The following CEP295 variants were observed in gnomAD, a reference collection of about 807,000 sequenced individuals.
The protein encoded by CEP295 is centrosomal protein 295, also known as centrosomal protein of 295 kDa.
A neutral mutation model predicts 291.6 loss-of-function variants in CEP295; 190 were observed. The observed-to-expected ratio is 0.65, with a 90% confidence interval of 0.58 to 0.73. The LOEUF (loss-of-function observed/expected upper bound fraction) is 0.73. CEP295 is among the 30% of genes least tolerant of loss of function. The probability of loss-of-function intolerance (pLI) is 0.00; values close to 1 mark genes in which losing one functional copy is unlikely to be tolerated. For synonymous variants in CEP295, 993 were observed against 1,038.8 expected (o/e 0.96, Z 0.85); for missense variants, 2,863 against 2,949.4 (o/e 0.97, Z 0.68).
At position 93,729,884 on chromosome 11, in the gene CEP295, C is replaced by G. The variant is rs536047501; in HGVS notation, c.7582C>G (p.Arg2528Gly). The G allele has an allele frequency of 6.5e-7, 1 of 1,547,840 alleles. No homozygotes were observed. Among genetic ancestry groups the G allele is most frequent in the Non-Finnish European group, 8.7e-7 (1 of 1,146,000 alleles). Reference sequence around the variant, plus strand: ...TCTTTCCTCAGGTTCATCTGTGAGTCGTCTAAAGGGCGTGAATAAAGTCAG... The same window carrying G: ...TCTTTCCTCAGGTTCATCTGTGAGTGGTCTAAAGGGCGTGAATAAAGTCAG... ...EKPSISSSVS[R>G]LKGVNKVRAS... The change falls in exon 28 of 30, where the codon CGT (arginine) becomes GGT (glycine). Residue 2528 changes from arginine to glycine, a missense_variant. By Grantham distance (125) the Arg-to-Gly change is moderately radical (BLOSUM62 -2). Coordinates refer to ENST00000325212, the MANE Select transcript of CEP295 (RefSeq NM_033395.2).
chr11:93,727,611 T>C lies in CEP295; in HGVS notation c.7135T>C (p.Ser2379Pro). 1.3e-6 allele frequency: 2 copies of C among 1,549,560 alleles called. No homozygotes were observed. Among genetic ancestry groups the C allele is most frequent in the East Asian group, 4.9e-5 (2 of 40,896 alleles). Reference protein sequence around the residue: ...SELFASSGSFSLQSSIPVWET... With the variant: ...SELFASSGSFPLQSSIPVWET... ...GCTTTTTGCAAGTTCTGGATCATTT[T>C]CATTACAGAGCTCTATACCAGTCTG... The change falls in exon 24 of 30, where the codon TCA becomes CCA. Residue 2379 changes from serine to proline, a missense_variant. Ser to Pro is a moderately conservative substitution (Grantham distance 74). This residue lies in a region of CEP295 where 2,295 missense variants were observed against 2,335.7 expected (regional missense o/e 0.98). Transcript: ENST00000325212.
Position 93,697,135 on chromosome 11 carries a change from G to A in CEP295, c.2223G>A (p.Arg741=). 1.3e-6 allele frequency: 2 copies of A among 1,551,850 alleles called. No individual in the cohort carries two copies. The highest frequency in any genetic ancestry group is 1.7e-6 in the Non-Finnish European group (2 of 1,147,036). ...ETLSRALSHD[R]QLISQDARKI... is the part of the protein sequence containing the mutation. Reference sequence around the variant, plus strand: ...TTTCAAGGGCTTTGTCACATGACAGGCAGCTAATATCACAGGATGCTAGAA... The same window carrying A: ...TTTCAAGGGCTTTGTCACATGACAGACAGCTAATATCACAGGATGCTAGAA... Residue 741 remains arginine (R), a synonymous_variant, in exon 15 of 30, where the codon AGG becomes AGA. Coordinates refer to ENST00000325212, the MANE Select transcript of CEP295 (RefSeq NM_033395.2).
chr11:93,699,054 G>A lies in CEP295; in HGVS notation c.4142G>A (p.Ser1381Asn). 3 of 1,546,138 alleles carry A rather than the reference G, an allele frequency of 1.9e-6. No individual in the cohort carries two copies. Among genetic ancestry groups the A allele is most frequent in the Non-Finnish European group, 2.6e-6 (3 of 1,147,070 alleles). ...EAREELLLHQ[S>N]EWEGRISPEQ... Reference sequence around the variant, plus strand: ...CGGGAAGAATTACTTTTACATCAGAGTGAATGGGAGGGAAGAATATCTCCC... The same window carrying A: ...CGGGAAGAATTACTTTTACATCAGAATGAATGGGAGGGAAGAATATCTCCC... Residue 1381 changes from serine (S) to asparagine (N), a missense_variant, in exon 15 of 30, where the codon AGT (serine) becomes AAT (asparagine). Ser to Asn is a conservative substitution (Grantham distance 46, BLOSUM62 1). Around this residue, in one of 3 missense-constraint regions of CEP295, gnomAD observed 2,295 missense variants for 2,335.7 expected, o/e 0.98. Transcript: ENST00000325212.
At chr11:93,663,133 C>G (rs1590945397) in intron 1 of CEP295, among the ~76,000 whole-genome samples, 1 of 152,220 alleles carries the variant, frequency 6.6e-6, no homozygotes, top group African/African-American at 2.4e-5. Flanking sequence ...ATCTTAATCT[C>G]CTGCATTCTG....
intron 3 of CEP295, among the ~76,000 whole-genome samples, chr11:93,668,268 A>G (rs976401477): frequency 1.3e-5 from 2 of 152,236 alleles, no homozygotes; most frequent in Non-Finnish European, 2.9e-5. Context: ...AGTCACATAC[A>G]GTAAACAAGC....
At chr11:93,703,771 T>C (rs1952334210) in intron 17 of CEP295, among the ~76,000 whole-genome samples, 1 of 148,062 alleles carries the variant, frequency 6.8e-6, no homozygotes, top group Non-Finnish European at 1.5e-5. Flanking sequence ...GTAATTCTTT[T>C]TTTTTTTTTT....
Position 93,691,779 on chromosome 11 carries a change from T to C in CEP295, c.1429+4T>C. ...ACAAACTCTGGAAAAGAACAAGGTA[T>C]TTCTTTTTATCACATCCTCAAATTA... On this transcript the variant is annotated splice_donor_region_variant and intron_variant, in intron 11 of 29. Coordinates refer to ENST00000325212, the MANE Select transcript of CEP295 (RefSeq NM_033395.2). 1 of 1,511,720 alleles carries C rather than the reference T, an allele frequency of 6.6e-7. No homozygotes were observed. Among genetic ancestry groups the C allele is most frequent in the South Asian group, 1.3e-5 (1 of 79,630 alleles). 93.6% of individuals were successfully genotyped at this position (1,511,720 alleles called of 1,614,324 possible).
intron 10 of CEP295, among the ~76,000 whole-genome samples, 165 bp downstream of exon 10, chr11:93,688,030 G>A (rs886933303): frequency 1.3e-5 from 2 of 151,900 alleles, no homozygotes; most frequent in Middle Eastern, 6.8e-3. Flanking sequence ...ATCTTCTTCC[G>A]GACCACTTTT....
chr11:93,709,250 T>C (rs1305522925), intron 18 of CEP295, among the ~76,000 whole-genome samples: 12 of 152,182 alleles, frequency 7.9e-5, no homozygotes, highest in African/African-American at 2.9e-4. Context: ...GTTTCCCCAA[T>C]GTTTTCTTTT....
chr11:93,668,871 C>T lies in CEP295; in HGVS notation c.373C>T (p.His125Tyr), dbSNP rs542488835. 2.0e-5 allele frequency: 29 copies of T among 1,460,632 alleles called. No individual in the cohort carries two copies. Among genetic ancestry groups the T allele is most frequent in the Middle Eastern group, 1.8e-4 (1 of 5,700 alleles). The allele number at this position is 1,460,632 out of a possible 1,614,324, so 90.5% of individuals were successfully genotyped here. Residue 125 changes from histidine (H) to tyrosine (Y), a missense_variant, in exon 4 of 30, where the codon CAT becomes TAT. Transcript: ENST00000325212. ...AERKRKADLR[H>Y]KEALKVQKNQ... ...AAGGAAAAGAAAAGCAGATTTGAGG[C>T]ATAAAGAAGCCTTGAAAGTACAGAA...
rs1954083651 is a variant in CEP295, at chr11:93,725,634, C to G, written c.6319-17C>G. The G allele has an allele frequency of 2.0e-6, 3 of 1,528,342 alleles. No homozygotes were observed. Among genetic ancestry groups the G allele is most frequent in the Non-Finnish European group, 2.6e-6 (3 of 1,138,490 alleles). The allele number at this position is 1,528,342 out of a possible 1,614,324, so 94.7% of individuals were successfully genotyped here. ...ACCTAATCAGTATTTCAGCCTTTCC[C>G]TTTTGTTTCCTGCCAGAGATCAGAT... On this transcript the variant is annotated splice_polypyrimidine_tract_variant and intron_variant, in intron 22 of 29. Transcript: ENST00000325212.
chr11:93,672,105 C>T (rs919280450), intron 5 of CEP295, among the ~76,000 whole-genome samples: 1 of 152,084 alleles, frequency 6.6e-6, no homozygotes. Context: ...AGTTAAGTAA[C>T]GTAACCAAAG....
chr11:93,712,529 C>G (rs747055723), intron 18 of CEP295, among the ~76,000 whole-genome samples: 2 of 152,202 alleles, frequency 1.3e-5, no homozygotes, highest in Admixed American at 6.5e-5. Flanking sequence ...GCTAGGATTA[C>G]AGGCATAAGC....
chr11:93,711,744 CAA>C (rs1217696940), intron 18 of CEP295, among the ~76,000 whole-genome samples: 1 of 152,080 alleles, frequency 6.6e-6, no homozygotes, highest in African/African-American at 2.4e-5. Flanking sequence ...CGCCCAGGAA[CAA>C]GTGATCCGCC....
chr11:93,671,761 G>C (rs943317085), intron 5 of CEP295, among the ~76,000 whole-genome samples: 2 of 151,994 alleles, frequency 1.3e-5, no homozygotes, highest in Non-Finnish European at 2.9e-5. Flanking sequence ...GGTATTTGGG[G>C]GCCAGGGAAA....
intron 5 of CEP295, among the ~76,000 whole-genome samples, chr11:93,673,488 C>CT (rs923583024): frequency 2.0e-5 from 3 of 151,106 alleles, no homozygotes; most frequent in East Asian, 3.9e-4. Flanking sequence ...ACCTGTGCAG[C>CT]TTTTTTTTTA....
At chr11:93,692,475 A>T (rs899889247) in intron 12 of CEP295, among the ~76,000 whole-genome samples, 2 of 152,156 alleles carry the variant, frequency 1.3e-5, no homozygotes, top group South Asian at 4.1e-4. Context: ...AACTTTTAAT[A>T]TACAGCGCCC....
intron 10 of CEP295, among the ~76,000 whole-genome samples, chr11:93,689,688 G>A (rs1349339014): frequency 1.3e-5 from 2 of 151,976 alleles, no homozygotes; most frequent in South Asian, 2.1e-4. Context: ...TATCTGATGG[G>A]CCCAGTAAAG....
chr11:93,729,075 G>A, intron 25 of CEP295: 1 of 502,174 alleles, frequency 2.0e-6, no homozygotes, highest in Non-Finnish European at 3.5e-6. Flanking sequence ...TAGTGTTATA[G>A]TGCCAAGTTG....
Sources: allele counts gnomAD v4.1 joint callset (sites outside exome capture counted in the v4.1 genomes callset), GRCh38; gene constraint gnomAD v4.1.1; regional missense constraint gnomAD v4.1.1; transcripts MANE v1.5; gene names NCBI Gene and HGNC (gene_info 2026-07-23, HGNC 2026-07-21).